The following ATP2B4 variants were observed in gnomAD, a reference collection of about 807,000 sequenced individuals.
The protein encoded by ATP2B4 is ATPase plasma membrane Ca2+ transporting 4, also known as plasma membrane calcium-transporting ATPase 4.
Under a neutral mutation model 110.3 loss-of-function variants are expected in ATP2B4, and 39 were observed. The observed-to-expected ratio is 0.35, with a 90% CI of 0.27 to 0.46. ATP2B4 has a LOEUF of 0.46. ATP2B4 is among the 20% of genes least tolerant of loss of function. ATP2B4 has a pLI of 1.00. For synonymous variants in ATP2B4, 538 were observed against 571.7 expected (o/e 0.94, Z 0.84); for missense variants, 1,135 against 1,530.9 (o/e 0.74, Z 4.32).
chr1:203,721,705 C>T (rs1422375030), intron 17 of ATP2B4, among the ~76,000 whole-genome samples: 1 of 146,450 alleles, frequency 6.8e-6, no homozygotes, highest in African/African-American at 2.6e-5. Context: ...CTCTGTCACC[C>T]AGGCTGGAGT....
chr1:203,642,045 G>C (rs1242892932), intron 1 of ATP2B4, among the ~76,000 whole-genome samples: 1 of 152,028 alleles, frequency 6.6e-6, no homozygotes, highest in Non-Finnish European at 1.5e-5. Flanking sequence ...CGTGCTTCTG[G>C]TCCCTAACCC....
At chr1:203,717,565 G>A (rs1367606683) in intron 15 of ATP2B4, among the ~76,000 whole-genome samples, 4 of 151,644 alleles carry the variant, frequency 2.6e-5, no homozygotes, top group African/African-American at 7.3e-5. Context: ...TTTTATCCTG[G>A]ATAGGAGATA....
At chr1:203,662,453 C>T (rs1359795766) in intron 1 of ATP2B4, among the ~76,000 whole-genome samples, 3 of 152,322 alleles carry the variant, frequency 2.0e-5, no homozygotes, top group Admixed American at 2.0e-4. Flanking sequence ...ACCCATTAAA[C>T]AATAATGCCC....
intron 15 of ATP2B4, among the ~76,000 whole-genome samples, chr1:203,719,363 G>T (rs1025820611): frequency 2.0e-5 from 3 of 151,760 alleles, no homozygotes; most frequent in Non-Finnish European, 4.4e-5. Flanking sequence ...AATTCAATAG[G>T]TAATTTTTTT....
At chr1:203,709,758 T>G (rs1401316565) in intron 11 of ATP2B4, among the ~76,000 whole-genome samples, 1 of 152,220 alleles carries the variant, frequency 6.6e-6, no homozygotes, top group Non-Finnish European at 1.5e-5. Context: ...AGGTGGGTAC[T>G]ATGATTATCC....
At chr1:203,706,214 G>T (rs895069292) in intron 8 of ATP2B4, among the ~76,000 whole-genome samples, 2 of 152,108 alleles carry the variant, frequency 1.3e-5, no homozygotes, top group Non-Finnish European at 2.9e-5. Context: ...ATCCCAGTTT[G>T]CTTGGGATTT....
chr1:203,627,263 GTTTC>G (rs995009244), intron 1 of ATP2B4, 44 bp downstream of exon 1: 1 of 152,184 alleles, frequency 6.6e-6, no homozygotes, highest in Non-Finnish European at 1.5e-5. Context: ...TGCAAACTTT[GTTTC>G]TTTCTTTTCT....
chr1:203,686,975 G>A (rs1159261660), intron 2 of ATP2B4, among the ~76,000 whole-genome samples: 3 of 147,444 alleles, frequency 2.0e-5, no homozygotes, highest in South Asian at 2.1e-4. Context: ...GATTACAGGC[G>A]TGAGCCATGG....
intron 6 of ATP2B4, among the ~76,000 whole-genome samples, chr1:203,701,794 A>G (rs570649136): frequency 6.6e-6 from 1 of 152,292 alleles, no homozygotes; most frequent in South Asian, 2.1e-4. Context: ...CAGGAGCAAG[A>G]GAAAGCACCT....
At chr1:203,632,366 CAG>C (rs1663295174) in intron 1 of ATP2B4, among the ~76,000 whole-genome samples, 1 of 150,028 alleles carries the variant, frequency 6.7e-6, no homozygotes, top group Admixed American at 6.6e-5. Flanking sequence ...TTTTTTGAGA[CAG>C]AGTCTCGCTC....
At chr1:203,631,409 C>T (rs1291297589) in intron 1 of ATP2B4, among the ~76,000 whole-genome samples, 1 of 152,230 alleles carries the variant, frequency 6.6e-6, no homozygotes, top group Non-Finnish European at 1.5e-5. Context: ...TTCCTCTTGC[C>T]TTTCTGCCAC....
At chr1:203,662,039 T>C (rs1039209845) in intron 1 of ATP2B4, among the ~76,000 whole-genome samples, 1 of 152,148 alleles carries the variant, frequency 6.6e-6, no homozygotes, top group African/African-American at 2.4e-5. Context: ...TCACCTTTTT[T>C]TTTTTTTGAG....
intron 9 of ATP2B4, 151 bp downstream of exon 9, chr1:203,707,374 A>G: frequency 1.5e-6 from 1 of 671,754 alleles, no homozygotes; most frequent in South Asian, 2.2e-5. Context: ...TTATGGAAGG[A>G]CCATCTCTGT....
At chr1:203,661,424 A>G (rs1256972764) in intron 1 of ATP2B4, among the ~76,000 whole-genome samples, 1 of 152,132 alleles carries the variant, frequency 6.6e-6, no homozygotes, top group Non-Finnish European at 1.5e-5. Context: ...GGATCAAATG[A>G]GATACTAATA....
At chr1:203,655,137 T>C (rs1368492666) in intron 1 of ATP2B4, among the ~76,000 whole-genome samples, 2 of 151,852 alleles carry the variant, frequency 1.3e-5, no homozygotes, top group African/African-American at 4.8e-5. Flanking sequence ...AAATGAGGAG[T>C]TGCTTTTTAG....
intron 20 of ATP2B4, among the ~76,000 whole-genome samples, chr1:203,737,583 G>A (rs1666905592): frequency 6.6e-6 from 1 of 152,170 alleles, no homozygotes; most frequent in Non-Finnish European, 1.5e-5. Flanking sequence ...ACCAGATGGA[G>A]CCTCCATTCC....
intron 2 of ATP2B4, among the ~76,000 whole-genome samples, chr1:203,691,648 GAATCA>G (rs1457780967): frequency 3.9e-5 from 6 of 152,216 alleles, no homozygotes; most frequent in Non-Finnish European, 5.9e-5. Context: ...CTGTGACCTT[GAATCA>G]ACTGCTTTAT....
At chr1:203,696,146 C>T (rs905503320) in intron 2 of ATP2B4, among the ~76,000 whole-genome samples, 1 of 152,120 alleles carries the variant, frequency 6.6e-6, no homozygotes, top group Non-Finnish European at 1.5e-5. Context: ...AGGCTGGTTT[C>T]AAACTCCTGA....
At chr1:203,634,894 G>A (rs569027971) in intron 1 of ATP2B4, among the ~76,000 whole-genome samples, 30 of 152,252 alleles carry the variant, frequency 2.0e-4, no homozygotes, top group African/African-American at 6.7e-4. Flanking sequence ...GAAATCCTGG[G>A]CTCAAGCAAT....
Sources: allele counts gnomAD v4.1 joint callset (sites outside exome capture counted in the v4.1 genomes callset), GRCh38; gene constraint gnomAD v4.1.1; transcripts MANE v1.5; gene names NCBI Gene and HGNC (gene_info 2026-07-23, HGNC 2026-07-21).